Variants in SRD5A2 observed in about 807,000 individuals in gnomAD.
SRD5A2 encodes the protein steroid 5 alpha-reductase 2, also known as 3-oxo-5-alpha-steroid 4-dehydrogenase 2.
Under a neutral mutation model 27.4 loss-of-function variants are expected in SRD5A2, and 30 were observed. The observed-to-expected ratio is 1.10, with a 90% CI of 0.82 to 1.49. The LOEUF is 1.49. Ranked by LOEUF, SRD5A2 falls within the 40% of genes most tolerant of loss-of-function variation. The pLI is 0.00. For missense variants in SRD5A2, 348 were observed against 323.4 expected, an observed-to-expected ratio of 1.08 and a Z score of -0.58; for synonymous variants, 141 against 133.6, an observed-to-expected ratio of 1.06 and a Z score of -0.38.
At chr2:31,640,670 G>A in the SRD5A2 span, among the ~76,000 whole-genome samples, 5 of 152,026 alleles carry the variant, frequency 3.3e-5, no homozygotes, top group African/African-American at 1.2e-4. Flanking sequence ...TCATGTTCAG[G>A]GACCTGTGAA....
the SRD5A2 span, among the ~76,000 whole-genome samples, chr2:31,626,347 A>T: frequency 1.3e-5 from 2 of 151,984 alleles, no homozygotes; most frequent in African/African-American, 2.4e-5. Flanking sequence ...GATACCCTTT[A>T]TTTCTTTCTC....
At chr2:31,623,219 T>C in the SRD5A2 span, among the ~76,000 whole-genome samples, 1 of 152,094 alleles carries the variant, frequency 6.6e-6, no homozygotes, top group Non-Finnish European at 1.5e-5. Context: ...TTACAACCCA[T>C]TTTGAACTCG....
At chr2:31,575,729 T>C (rs1402380797) in intron 1 of SRD5A2, among the ~76,000 whole-genome samples, 1 of 152,264 alleles carries the variant, frequency 6.6e-6, no homozygotes, top group Non-Finnish European at 1.5e-5. Context: ...ACTCTGCTTC[T>C]AGATGTATAT....
At chr2:31,575,798 A>G (rs533763261) in intron 1 of SRD5A2, among the ~76,000 whole-genome samples, 3 of 152,212 alleles carry the variant, frequency 2.0e-5, no homozygotes, top group Non-Finnish European at 4.4e-5. Flanking sequence ...CTCTGGAAAA[A>G]AAAATGTTTC....
At chr2:31,617,507 C>A in the SRD5A2 span, among the ~76,000 whole-genome samples, 1 of 152,216 alleles carries the variant, frequency 6.6e-6, no homozygotes, top group Non-Finnish European at 1.5e-5. Context: ...TTGAATTTCT[C>A]CCCAGAAAAT....
chr2:31,543,914 A>G (rs1237581212), intron 1 of SRD5A2, among the ~76,000 whole-genome samples: 1 of 152,094 alleles, frequency 6.6e-6, no homozygotes, highest in Non-Finnish European at 1.5e-5. Context: ...GGATTTTTTA[A>G]ATGATCCAAA....
At chr2:31,545,799 G>C (rs1255040194) in intron 1 of SRD5A2, among the ~76,000 whole-genome samples, 1 of 152,156 alleles carries the variant, frequency 6.6e-6, no homozygotes, top group Non-Finnish European at 1.5e-5. Flanking sequence ...ATATGATCAT[G>C]TGTCTAGAAC....
At chr2:31,549,835 G>C (rs1473702622) in intron 1 of SRD5A2, among the ~76,000 whole-genome samples, 1 of 151,956 alleles carries the variant, frequency 6.6e-6, no homozygotes, top group East Asian at 1.9e-4. Context: ...AGAAAACTAG[G>C]AAAACTAGAA....
chr2:31,582,926 A>G (rs1194113579), upstream of SRD5A2, among the ~76,000 whole-genome samples: 1 of 86,384 alleles, frequency 1.2e-5, no homozygotes, highest in Non-Finnish European at 2.8e-5. Context: ...AGCTCAATGG[A>G]ATATTTTTTT....
the SRD5A2 span, among the ~76,000 whole-genome samples, chr2:31,616,057 C>T: frequency 1.2e-4 from 18 of 151,984 alleles, no homozygotes; most frequent in South Asian, 3.3e-3. Flanking sequence ...TCAGAGGATG[C>T]ATGGAAATGC....
the SRD5A2 span, among the ~76,000 whole-genome samples, chr2:31,608,598 T>A: frequency 0.016 from 2,492 of 151,926 alleles, 38 homozygotes; most frequent in Admixed American, 0.037. Flanking sequence ...GATTAATATA[T>A]AAAATAAGTT....
At chr2:31,569,747 A>G (rs1029259138) in intron 1 of SRD5A2, among the ~76,000 whole-genome samples, 1 of 152,052 alleles carries the variant, frequency 6.6e-6, no homozygotes, top group African/African-American at 2.4e-5. Context: ...TTAATTCAAA[A>G]TGTGTCATAG....
chr2:31,631,030 G>C, the SRD5A2 span, among the ~76,000 whole-genome samples: 1 of 152,188 alleles, frequency 6.6e-6, no homozygotes, highest in African/African-American at 2.4e-5. Context: ...TTTGCACTCA[G>C]CCAAGCCTTA....
the SRD5A2 span, among the ~76,000 whole-genome samples, chr2:31,600,908 T>C: frequency 2.0e-5 from 3 of 151,842 alleles, no homozygotes; most frequent in Non-Finnish European, 4.4e-5. Context: ...GCTAAACATA[T>C]GCAGTGTGAT....
intron 1 of SRD5A2, among the ~76,000 whole-genome samples, chr2:31,562,875 GC>G (rs1438025198): frequency 6.6e-6 from 1 of 151,950 alleles, no homozygotes; most frequent in Non-Finnish European, 1.5e-5. Context: ...CTGATCAAAG[GC>G]AACATTCAAA....
intron 1 of SRD5A2, among the ~76,000 whole-genome samples, chr2:31,565,778 T>C (rs1666717503): frequency 2.6e-5 from 4 of 152,070 alleles, no homozygotes; most frequent in South Asian, 4.1e-4. Context: ...TCAATACTCT[T>C]CTCTCAATAA....
chr2:31,548,763 T>C (rs1288930829), intron 1 of SRD5A2, among the ~76,000 whole-genome samples: 2 of 152,128 alleles, frequency 1.3e-5, no homozygotes, highest in Non-Finnish European at 2.9e-5. Context: ...GAAAACAGGG[T>C]CTTGAAGCAA....
intron 1 of SRD5A2, among the ~76,000 whole-genome samples, chr2:31,566,100 T>G (rs1666722364): frequency 6.6e-6 from 1 of 152,048 alleles, no homozygotes; most frequent in Non-Finnish European, 1.5e-5. Context: ...AATAACACCC[T>G]TCTAAATAAC....
the SRD5A2 span, among the ~76,000 whole-genome samples, chr2:31,661,152 T>C: frequency 6.6e-6 from 1 of 152,276 alleles, no homozygotes; most frequent in South Asian, 2.1e-4. Context: ...CCCAAAGGAA[T>C]AAAAGGCACT....
Sources: gnomAD v4.1 joint callset for allele counts (sites outside exome capture counted in the v4.1 genomes callset) on GRCh38, gnomAD v4.1.1 for gene constraint, MANE v1.5 for transcripts, NCBI Gene and HGNC (gene_info 2026-07-23, HGNC 2026-07-21) for gene names.